The following SUMF2 variants were observed in gnomAD, a reference collection of about 807,000 sequenced individuals.
SUMF2 encodes the protein inactive C-alpha-formylglycine-generating enzyme 2.
Under a neutral mutation model 44.8 loss-of-function variants are expected in SUMF2, and 45 were observed. The observed-to-expected ratio is 1.00, with a 90% confidence interval of 0.79 to 1.29. The LOEUF is 1.29. Ranked by LOEUF, SUMF2 falls within the 50% of genes most tolerant of loss-of-function variation. The pLI is 0.00. For missense variants in SUMF2, 418 were observed against 389.9 expected (o/e 1.07, Z -0.61); for synonymous variants, 148 against 150.4 (o/e 0.98, Z 0.12).
At chr7:56,071,022 C>T (rs532972612) in intron 2 of SUMF2, among the ~76,000 whole-genome samples, 8 of 152,224 alleles carry the variant, frequency 5.3e-5, no homozygotes, top group Admixed American at 2.6e-4. Context: ...TGGAGGTGAC[C>T]GATGGAACTA....
intron 1 of SUMF2, among the ~76,000 whole-genome samples, chr7:56,064,890 A>T (rs1463276866): frequency 7.2e-6 from 1 of 138,176 alleles, no homozygotes; most frequent in Non-Finnish European, 1.6e-5. Context: ...CTCAAAAAAA[A>T]AAAAAAAAAA....
At chr7:56,064,982 G>A (rs74786312) in intron 1 of SUMF2, among the ~76,000 whole-genome samples, 6,424 of 149,480 alleles carry the variant, frequency 0.043, 250 homozygotes, top group East Asian at 0.2. Context: ...CACGAGGTCA[G>A]GAAATCGAGA....
At chr7:56,070,424 G>A (rs1366631275) in intron 2 of SUMF2, among the ~76,000 whole-genome samples, 1 of 151,172 alleles carries the variant, frequency 6.6e-6, no homozygotes, top group Non-Finnish European at 1.5e-5. Context: ...CCAGGAGTTC[G>A]AGACCATCCT....
chr7:56,077,674 A>G (rs1316846999), intron 6 of SUMF2, among the ~76,000 whole-genome samples: 2 of 151,958 alleles, frequency 1.3e-5, no homozygotes. Context: ...TGAATAAAAA[A>G]TAAAACTAAA....
intron 8 of SUMF2, chr7:56,079,000 G>T: frequency 1.6e-6 from 1 of 616,922 alleles, no homozygotes; most frequent in South Asian, 1.9e-5. Context: ...AGGCTCTAGC[G>T]ATTCTTCCAC....
chr7:56,073,747 A>T (rs1299692288), intron 3 of SUMF2: 4 of 193,098 alleles, frequency 2.1e-5, no homozygotes, highest in African/African-American at 9.5e-5. Context: ...GCAGCAGCTC[A>T]CGCCTGTAAC....
chr7:56,086,061 G>A, the SUMF2 span, among the ~76,000 whole-genome samples: 2 of 151,538 alleles, frequency 1.3e-5, no homozygotes, highest in Non-Finnish European at 2.9e-5. Flanking sequence ...ATGCCTGCAG[G>A]ACCTGGTCTT....
At chr7:56,072,486 A>C (rs1795241534) in intron 2 of SUMF2, among the ~76,000 whole-genome samples, 1 of 151,396 alleles carries the variant, frequency 6.6e-6, no homozygotes, top group Non-Finnish European at 1.5e-5. Context: ...GCCCTTTGGG[A>C]GGCCGAGGCA....
downstream of SUMF2, chr7:56,082,212 C>G (rs372681025): frequency 6.2e-6 from 10 of 1,613,686 alleles, no homozygotes; most frequent in Admixed American, 1.7e-5. Flanking sequence ...ATGGAGCACT[C>G]GATAATCTCA....
Position 56,078,518 on chromosome 7 carries a change from T to C in SUMF2, c.821+10T>C. The C allele has an allele frequency of 6.4e-7, 1 of 1,553,060 alleles. No individual in the cohort carries two copies. ...CCCGGGTCACCACCAGGTAAGGGGC[T>C]TGGTCCCAGGCAACACGGGGCCTTG... On this transcript the variant is annotated intron_variant, in intron 8 of 8. Transcript: ENST00000434526.
At chr7:56,077,205 C>T (rs968747354) in intron 6 of SUMF2, among the ~76,000 whole-genome samples, 3 of 151,320 alleles carry the variant, frequency 2.0e-5, no homozygotes, top group East Asian at 2.0e-4. Flanking sequence ...TGCCACCATG[C>T]CCAGCTAATT....
chr7:56,069,803 C>T (rs1795043860), intron 2 of SUMF2, among the ~76,000 whole-genome samples: 2 of 151,832 alleles, frequency 1.3e-5, no homozygotes, highest in Admixed American at 6.6e-5. Flanking sequence ...AGGCTGGTCT[C>T]GAACTCCTGG....
At position 56,080,037 on chromosome 7, in the gene SUMF2, T is replaced by C; in HGVS notation, c.*425T>C. The C allele has an allele frequency of 2.9e-6, 2 of 686,828 alleles. No individual in the cohort carries two copies. Among genetic ancestry groups the C allele is most frequent in the South Asian group, 2.0e-5 (1 of 49,932 alleles). 42.5% of individuals were successfully genotyped at this position (686,828 alleles called of 1,614,324 possible). ...TGGTTCTGTTTTCTCAGCCAGTTGC[T>C]GTGGAAGGAGAATGCTTTCTTTGTG... On this transcript the variant is annotated 3_prime_UTR_variant, in exon 9 of 9. Coordinates refer to ENST00000434526, the MANE Select transcript of SUMF2 (RefSeq NM_015411.4).
Position 56,074,610 on chromosome 7 carries a change from C to T in SUMF2, c.409C>T (p.Arg137Ter), listed in dbSNP as rs1562866276. The change falls in exon 5 of 9, where the codon CGA becomes TGA. Residue 137 changes from arginine (R) to a stop codon, truncating the protein, a stop_gained. Transcript: ENST00000434526. LOFTEE classifies it high-confidence loss of function. ...GCCTGCAGGTCCTGGCTCTGGCATC[C>T]GAGAGAGACTGGAGCACCCAGTGTT... ...RQPAGPGSGI[R>*]ERLEHPVLHV... 1.2e-6 allele frequency: 2 copies of T among 1,614,116 alleles called. No homozygotes were observed. Among genetic ancestry groups the T allele is most frequent in the East Asian group, 2.2e-5 (1 of 44,872 alleles).
the SUMF2 span, chr7:56,086,891 C>T: frequency 9.1e-7 from 1 of 1,096,758 alleles, no homozygotes; most frequent in Non-Finnish European, 1.4e-6. Context: ...CTGTGGTCTC[C>T]AGGCAGCCCT....
At chr7:56,080,741 C>G, downstream of SUMF2, 2 of 396,090 alleles carry the variant, frequency 5.0e-6, no homozygotes, top group African/African-American at 2.0e-5. Context: ...AACTCTGGGC[C>G]TCCCCTAAAG....
intron 2 of SUMF2, 124 bp from the exon 3 acceptor site, chr7:56,072,873 C>A: frequency 1.5e-6 from 1 of 652,966 alleles, no homozygotes; most frequent in Non-Finnish European, 2.7e-6. Context: ...AATTCCTTGG[C>A]AATCATGAAC....
chr7:56,084,312 G>T (rs900878484), downstream of SUMF2: 2 of 900,760 alleles, frequency 2.2e-6, no homozygotes, highest in African/African-American at 3.3e-5. Context: ...TGAAAGAGGG[G>T]ACTATGAACC....
intron 6 of SUMF2, 36 bp from the exon 7 acceptor site, chr7:56,078,066 G>A: frequency 6.4e-7 from 1 of 1,559,808 alleles, no homozygotes; most frequent in Non-Finnish European, 8.8e-7. Context: ...CTTTGGGACA[G>A]GTGGTAAATC....
Sources: gnomAD v4.1 joint callset for allele counts (sites outside exome capture counted in the v4.1 genomes callset) on GRCh38, gnomAD v4.1.1 for gene constraint, MANE v1.5 for transcripts, NCBI Gene and HGNC (gene_info 2026-07-23, HGNC 2026-07-21) for gene names.